The following DGKG variants were observed in gnomAD, a reference collection of about 807,000 sequenced individuals.
DGKG encodes DAG kinase gamma.
DGKG carries 78 observed loss-of-function variants against 105.3 expected under a neutral mutation model. The ratio of observed to expected loss-of-function variants is 0.74; its 90% CI spans 0.62 to 0.89. The LOEUF is 0.89. Among genes scored for constraint, DGKG ranks in the 40% least tolerant of loss-of-function variants. The pLI, the probability that DGKG is intolerant of heterozygous loss-of-function variation, is 0.00. For synonymous variants in DGKG, 346 were observed against 367.1 expected, an observed-to-expected ratio of 0.94 and a Z score of 0.66; for missense variants, 958 against 1,020.1, an observed-to-expected ratio of 0.94 and a Z score of 0.83.
intron 20 of DGKG, among the ~76,000 whole-genome samples, chr3:186,224,616 C>G (rs1719760121): frequency 6.6e-6 from 1 of 152,180 alleles, no homozygotes; most frequent in Non-Finnish European, 1.5e-5. Flanking sequence ...AATACTTTCT[C>G]TTGCTTTTGC....
At chr3:186,211,324 G>A (rs1341335475) in intron 21 of DGKG, among the ~76,000 whole-genome samples, 5 of 152,294 alleles carry the variant, frequency 3.3e-5, no homozygotes, top group South Asian at 4.1e-4. Context: ...GAGTCAGCTC[G>A]CTGAAGCAGA....
chr3:186,165,373 C>G (rs1237888114), intron 22 of DGKG, among the ~76,000 whole-genome samples: 2 of 152,160 alleles, frequency 1.3e-5, no homozygotes, highest in East Asian at 3.9e-4. Flanking sequence ...TGGTTTGGAA[C>G]TAGGATAGGA....
chr3:186,170,009 C>T (rs975027445), intron 22 of DGKG, among the ~76,000 whole-genome samples: 7 of 152,138 alleles, frequency 4.6e-5, no homozygotes, highest in African/African-American at 1.7e-4. Flanking sequence ...CTGTGAAAAG[C>T]ACTAGCCGAT....
In DGKG at chr3:186,272,342, G is replaced by C; in HGVS notation, c.912C>G (p.Tyr304Ter). 6.2e-7 allele frequency: 1 copy of C among 1,611,586 alleles called. No individual in the cohort carries two copies. The highest frequency in any genetic ancestry group is 8.5e-7 in the Non-Finnish European group (1 of 1,178,234). ...AGCGTTCGTGGACAGTGTATTTACA[G>C]TCTGAAAAGAAAAAAAGTCAAGGCA... ...GVRKQGLCCT[Y>*]CKYTVHERCV... The change falls in exon 11 of 25, where the codon TAC (tyrosine) becomes TAG (stop). Residue 304 changes from tyrosine to a stop codon, truncating the protein, a stop_gained and splice_region_variant. Transcript: ENST00000265022. LOFTEE classifies it high-confidence loss of function.
At chr3:186,240,807 GAA>G (rs11311286) in intron 20 of DGKG, among the ~76,000 whole-genome samples, 7,086 of 138,702 alleles carry the variant, frequency 0.051, 166 homozygotes, top group African/African-American at 0.068. Context: ...GAAACTCCAT[GAA>G]AAAAAAAAAA....
At chr3:186,260,801 G>A (rs1017156576) in intron 15 of DGKG, among the ~76,000 whole-genome samples, 1 of 152,202 alleles carries the variant, frequency 6.6e-6, no homozygotes, top group Non-Finnish European at 1.5e-5. Context: ...GAAACCCAGA[G>A]AACAGAACTT....
intron 20 of DGKG, among the ~76,000 whole-genome samples, chr3:186,235,015 A>T (rs1185313298): frequency 6.6e-6 from 1 of 152,166 alleles, no homozygotes; most frequent in South Asian, 2.1e-4. Context: ...GGACTTCTGC[A>T]TTTGTGTAAC....
Position 186,275,913 on chromosome 3 carries a change from G to A in DGKG, c.793-249C>T, listed in dbSNP as rs992083129. On this transcript the variant is annotated intron_variant, in intron 9 of 24. Coordinates refer to ENST00000265022, the MANE Select transcript of DGKG (RefSeq NM_001346.3). Reference sequence around the variant, plus strand: ...GGATAAAATAAATCCTCTCCCGCATGGCTGGCAGAAGCATAAACTGAACAA... The same window carrying A: ...GGATAAAATAAATCCTCTCCCGCATAGCTGGCAGAAGCATAAACTGAACAA... 2.0e-5 allele frequency among the ~76,000 whole-genome samples: 3 copies of A among 152,136 alleles called. No individual in the cohort carries two copies. The South Asian group carries it at 6.2e-4, about 31-fold the overall frequency.
intron 2 of DGKG, among the ~76,000 whole-genome samples, chr3:186,308,042 T>C (rs892361433): frequency 1.6e-4 from 24 of 152,280 alleles, no homozygotes; most frequent in African/African-American, 4.8e-4. Flanking sequence ...GCCAGAAGAT[T>C]TTCCTCTGAA....
At chr3:186,205,107 A>G (rs1183377310) in intron 21 of DGKG, among the ~76,000 whole-genome samples, 1 of 151,978 alleles carries the variant, frequency 6.6e-6, no homozygotes, top group Admixed American at 6.6e-5. Context: ...AAATATAAAA[A>G]TTAACTGGAC....
At chr3:186,193,658 C>T (rs1578646743) in intron 21 of DGKG, among the ~76,000 whole-genome samples, 1 of 152,138 alleles carries the variant, frequency 6.6e-6, no homozygotes, top group African/African-American at 2.4e-5. Flanking sequence ...GCAGCCGTGC[C>T]GTCTGGGAAA....
intron 13 of DGKG, 127 bp downstream of exon 13, chr3:186,267,558 A>G: frequency 1.3e-6 from 1 of 740,984 alleles, no homozygotes; most frequent in East Asian, 2.5e-5. Flanking sequence ...AAAAAGAAAG[A>G]AAAGAAAACA....
intron 19 of DGKG, among the ~76,000 whole-genome samples, chr3:186,250,550 T>C (rs13079591): frequency 1.1e-5 from 1 of 90,364 alleles, no homozygotes; most frequent in Non-Finnish European, 2.3e-5. Context: ...TCAATAATTC[T>C]GTCATTCTTT....
At chr3:186,227,110 G>A (rs1429185433) in intron 20 of DGKG, among the ~76,000 whole-genome samples, 1 of 152,146 alleles carries the variant, frequency 6.6e-6, no homozygotes, top group South Asian at 2.1e-4. Context: ...TGAGAAGGGG[G>A]TTGAAATCTA....
At chr3:186,288,204 G>A (rs1266797414) in intron 6 of DGKG, among the ~76,000 whole-genome samples, 2 of 152,058 alleles carry the variant, frequency 1.3e-5, no homozygotes, top group East Asian at 3.8e-4. Context: ...GAATCTTGGG[G>A]TGGCGGGGGG....
chr3:186,331,257 G>C (rs1003172872), intron 1 of DGKG, among the ~76,000 whole-genome samples: 1 of 152,220 alleles, frequency 6.6e-6, no homozygotes, highest in African/African-American at 2.4e-5. Flanking sequence ...GCCTTCCCCA[G>C]GTCACAGGAT....
Position 186,147,241 on chromosome 3 carries a change from T to C in DGKG, c.*2849A>G, listed in dbSNP as rs1195014867. The C allele has an allele frequency of 7.1e-6, 7 of 985,804 alleles. No individual in the cohort carries two copies. The allele number at this position is 985,804 out of a possible 1,614,324, so 61.1% of individuals were successfully genotyped here. On this transcript the variant is annotated 3_prime_UTR_variant, in exon 25 of 25. Coordinates refer to ENST00000265022, the MANE Select transcript of DGKG (RefSeq NM_001346.3). ...TTTTATTGCTGTTGGGGTAGAAGCA[T>C]GGGGGGCAGGTGAGAACATGTTTGT... is the stretch of plus-strand genomic sequence containing the variant.
intron 22 of DGKG, among the ~76,000 whole-genome samples, chr3:186,169,109 T>C (rs1182864934): frequency 6.6e-6 from 1 of 152,198 alleles, no homozygotes; most frequent in East Asian, 1.9e-4. Flanking sequence ...TTTCTTCCTG[T>C]ATGGGAATAG....
At chr3:186,291,062 T>C (rs1723290845) in intron 5 of DGKG, among the ~76,000 whole-genome samples, 1 of 152,200 alleles carries the variant, frequency 6.6e-6, no homozygotes, top group African/African-American at 2.4e-5. Context: ...GCTTAAAAGA[T>C]AGATCCAAAA....
Sources: allele counts gnomAD v4.1 joint callset (sites outside exome capture counted in the v4.1 genomes callset), GRCh38; gene constraint gnomAD v4.1.1; transcripts MANE v1.5; gene names NCBI Gene and HGNC (gene_info 2026-07-23, HGNC 2026-07-21).